The following MAP3K1 variants were observed in gnomAD, a reference collection of about 807,000 sequenced individuals.
MAP3K1 encodes the protein MAP/ERK kinase kinase 1.
A neutral mutation model predicts 144.2 loss-of-function variants in MAP3K1; 36 were observed. The ratio of observed to expected loss-of-function variants is 0.25; its 90% confidence interval spans 0.19 to 0.33. The LOEUF (loss-of-function observed/expected upper bound fraction) is 0.33. Among genes scored for constraint, MAP3K1 ranks in the 10% least tolerant of loss-of-function variants. The pLI, the probability that MAP3K1 is intolerant of heterozygous loss-of-function variation, is 1.00. For synonymous variants in MAP3K1, 718 were observed against 688.7 expected (o/e 1.04, Z -0.67); for missense variants, 1,650 against 1,881.9 (o/e 0.88, Z 2.28).
At position 56,887,354 on chromosome 5, in the gene MAP3K1, G is replaced by T. The variant is rs748369576; in HGVS notation, c.4115-24G>T. 2.5e-6 allele frequency: 4 copies of T among 1,613,618 alleles called. No homozygotes were observed. The South Asian group carries it at 4.4e-5, about 18-fold the overall frequency. ...CTTATTTTTGTTTTTAACATACAAG[G>T]TCATTTGCTGTGTTTGTTGACAGGT... On this transcript the variant is annotated intron_variant, in intron 17 of 19. Transcript: ENST00000399503.
At chr5:56,819,135 A>G (rs1746075283) in intron 1 of MAP3K1, among the ~76,000 whole-genome samples, 1 of 152,248 alleles carries the variant, frequency 6.6e-6, no homozygotes, top group African/African-American at 2.4e-5. Flanking sequence ...GAACCTTAAT[A>G]TAATTCTGGA....
chr5:56,877,411 C>T (rs73759250), intron 10 of MAP3K1, among the ~76,000 whole-genome samples: 3,166 of 152,192 alleles, frequency 0.021, 111 homozygotes, highest in African/African-American at 0.073. Context: ...ATACCAGGCT[C>T]CATGGAGGCA....
intron 19 of MAP3K1, among the ~76,000 whole-genome samples, chr5:56,890,192 A>G (rs1211289361): frequency 6.6e-6 from 1 of 152,122 alleles, no homozygotes; most frequent in African/African-American, 2.4e-5. Context: ...TCTTCTTCCC[A>G]GAGTCTTATA....
intron 7 of MAP3K1, 148 bp downstream of exon 7, chr5:56,872,179 T>C: frequency 9.9e-7 from 1 of 1,010,062 alleles, no homozygotes; most frequent in Non-Finnish European, 1.5e-6. Flanking sequence ...GTGAAAAGTT[T>C]TCAACAAATG....
intron 1 of MAP3K1, among the ~76,000 whole-genome samples, chr5:56,855,470 A>G (rs966329467): frequency 6.6e-6 from 1 of 152,208 alleles, no homozygotes; most frequent in African/African-American, 2.4e-5. Flanking sequence ...TGCTGATACA[A>G]AGATGTTTAA....
intron 3 of MAP3K1, 88 bp downstream of exon 3, chr5:56,860,003 A>G (rs1747458530): frequency 8.4e-6 from 10 of 1,190,638 alleles, no homozygotes; most frequent in Non-Finnish European, 1.2e-5. Context: ...CATCTGTTAG[A>G]ACATCAGTTT....
At chr5:56,879,346 C>T (rs1237820978) in intron 11 of MAP3K1, among the ~76,000 whole-genome samples, 3 of 152,172 alleles carry the variant, frequency 2.0e-5, no homozygotes, top group Non-Finnish European at 4.4e-5. Flanking sequence ...TTGTGATTTA[C>T]TCTCTTTAGT....
intron 1 of MAP3K1, among the ~76,000 whole-genome samples, chr5:56,819,771 A>C (rs1746098851): frequency 6.6e-6 from 1 of 152,198 alleles, no homozygotes; most frequent in African/African-American, 2.4e-5. Flanking sequence ...TGCTTCTATC[A>C]AATATATCAA....
intron 3 of MAP3K1, chr5:56,862,307 C>T (rs923155754): frequency 5.9e-5 from 9 of 152,182 alleles, no homozygotes; most frequent in Non-Finnish European, 1.0e-4. Context: ...CTCAAGCCTC[C>T]ACTTCATTGT....
At chr5:56,884,285 T>G (rs832551) in intron 15 of MAP3K1, among the ~76,000 whole-genome samples, 116,929 of 151,744 alleles carry the variant, frequency 0.77, 45,307 homozygotes, top group Non-Finnish European at 0.82. Flanking sequence ...AGTGTACTTG[T>G]GCGGTGCCAT....
At chr5:56,843,689 C>T (rs1746885721) in intron 1 of MAP3K1, among the ~76,000 whole-genome samples, 1 of 152,104 alleles carries the variant, frequency 6.6e-6, no homozygotes, top group Admixed American at 6.6e-5. Context: ...TTCTGATGCC[C>T]CCTTCTCTTA....
intron 10 of MAP3K1, among the ~76,000 whole-genome samples, chr5:56,876,428 T>C (rs1341647525): frequency 3.9e-5 from 6 of 152,226 alleles, no homozygotes; most frequent in Admixed American, 3.9e-4. Context: ...CTCAGTCTTT[T>C]TCTAATGCAT....
At chr5:56,883,059 G>C (rs933170599) in intron 14 of MAP3K1, among the ~76,000 whole-genome samples, 193 bp downstream of exon 14, 1 of 152,126 alleles carries the variant, frequency 6.6e-6, no homozygotes. Flanking sequence ...GCATGATAGT[G>C]TACACCTGGG....
intron 11 of MAP3K1, among the ~76,000 whole-genome samples, chr5:56,879,338 G>T (rs1748134796): frequency 6.6e-6 from 1 of 152,158 alleles, no homozygotes; most frequent in Non-Finnish European, 1.5e-5. Context: ...TTATTGTATT[G>T]TGATTTACTC....
At chr5:56,827,050 G>C (rs887035443) in intron 1 of MAP3K1, among the ~76,000 whole-genome samples, 9 of 152,230 alleles carry the variant, frequency 5.9e-5, no homozygotes, top group Non-Finnish European at 8.8e-5. Flanking sequence ...CAGGTGAAAG[G>C]AACTTGCAAG....
At chr5:56,838,574 G>A (rs768543545) in intron 1 of MAP3K1, among the ~76,000 whole-genome samples, 6 of 152,230 alleles carry the variant, frequency 3.9e-5, no homozygotes, top group Admixed American at 1.3e-4. Flanking sequence ...CAAGTGATTA[G>A]TGGGCAGATG....
chr5:56,856,533 G>C, intron 1 of MAP3K1, 67 bp from the exon 2 acceptor site: 1 of 1,373,320 alleles, frequency 7.3e-7, no homozygotes, highest in Non-Finnish European at 1.0e-6. Flanking sequence ...CATCCATTCT[G>C]TTTGTTCTTG....
At chr5:56,831,029 G>A (rs1746472421) in intron 1 of MAP3K1, among the ~76,000 whole-genome samples, 1 of 151,762 alleles carries the variant, frequency 6.6e-6, no homozygotes, top group Non-Finnish European at 1.5e-5. Flanking sequence ...TATTTAAAAT[G>A]TTAATTCATT....
intron 1 of MAP3K1, among the ~76,000 whole-genome samples, chr5:56,837,965 C>A (rs1746704757): frequency 6.6e-6 from 1 of 152,076 alleles, no homozygotes; most frequent in Admixed American, 6.6e-5. Flanking sequence ...TGAGGTGAAC[C>A]CTACAGAGTA....
Sources: allele counts gnomAD v4.1 joint callset (sites outside exome capture counted in the v4.1 genomes callset), GRCh38; gene constraint gnomAD v4.1.1; transcripts MANE v1.5; gene names NCBI Gene and HGNC (gene_info 2026-07-23, HGNC 2026-07-21).